Variants in MIER2 observed in about 807,000 individuals in gnomAD.
MIER2 encodes the protein mesoderm induction early response protein 2.
MIER2 carries 30 observed loss-of-function variants against 67.6 expected under a neutral mutation model. The observed-to-expected ratio is 0.44, with a 90% CI of 0.33 to 0.60. MIER2 has a LOEUF of 0.60. Ranked by LOEUF, MIER2 falls within the 20% of genes least tolerant of loss-of-function variation. The probability of loss-of-function intolerance (pLI) is 0.02; values close to 1 mark genes in which losing one functional copy is unlikely to be tolerated. For missense variants in MIER2, 702 were observed against 745.1 expected (o/e 0.94, Z 0.67); for synonymous variants, 372 against 312.6 (o/e 1.19, Z -2.00).
chr19:335,300 G>T (rs889425229), intron 2 of MIER2, among the ~76,000 whole-genome samples: 1 of 152,246 alleles, frequency 6.6e-6, no homozygotes, highest in African/African-American at 2.4e-5. Context: ...AGCCTGTAGG[G>T]CTGGGCACAC....
intron 1 of MIER2, among the ~76,000 whole-genome samples, chr19:336,784 A>G (rs1410126224): frequency 2.0e-5 from 3 of 151,680 alleles, no homozygotes; most frequent in South Asian, 2.1e-4. Flanking sequence ...GTCAATTACA[A>G]TTTTTTTTTA....
chr19:334,899 G>A (rs931535467), intron 2 of MIER2, among the ~76,000 whole-genome samples: 7 of 152,178 alleles, frequency 4.6e-5, no homozygotes, highest in Non-Finnish European at 7.4e-5. Flanking sequence ...CAGTCGAGGT[G>A]GGTTCACACC....
At chr19:328,404 T>C (rs1391498920) in intron 3 of MIER2, among the ~76,000 whole-genome samples, 2 of 148,224 alleles carry the variant, frequency 1.3e-5, no homozygotes, top group African/African-American at 5.0e-5. Context: ...TTTGGTAAAA[T>C]CCGACATCTA....
chr19:310,599 A>ATG lies in MIER2; in HGVS notation c.984+1245_984+1246insCA, dbSNP rs1568216562. On this transcript the variant is annotated intron_variant, in intron 10 of 13. Transcript: ENST00000264819. ...ACACGGCCGGGAGCTGCAGAAACACAGCCGGGAGCTATAGAAACACAGCCC... is the reference window on the plus strand; with the variant it reads ...ACACGGCCGGGAGCTGCAGAAACACATGGCCGGGAGCTATAGAAACACAGCCC... Among the ~76,000 whole-genome samples the ATG allele has an allele frequency of 8.4e-4, 46 of 54,502 alleles. 1 individual carries two copies. Among genetic ancestry groups the ATG allele is most frequent in the African/African-American group, 3.8e-3 (28 of 7,362 alleles). The allele number at this position is 54,502 out of a possible 152,430, so 35.8% of individuals were successfully genotyped here. A position where few individuals can be genotyped will look rare whatever the true frequency, so the allele number is the denominator to read the frequency against.
At chr19:336,294 C>T (rs1179274110) in intron 1 of MIER2, 121 bp from the exon 2 acceptor site, 9 of 768,888 alleles carry the variant, frequency 1.2e-5, no homozygotes, top group Middle Eastern at 3.8e-4. Flanking sequence ...AGGGAAGGGG[C>T]TTTGTCTCCG....
At chr19:317,691 C>T (rs946791237) in intron 7 of MIER2, among the ~76,000 whole-genome samples, 1 of 143,140 alleles carries the variant, frequency 7.0e-6, no homozygotes, top group African/African-American at 2.6e-5. Flanking sequence ...GATCGCATCA[C>T]TGCACTCCAG....
chr19:335,242 C>T (rs1354328868), intron 2 of MIER2, among the ~76,000 whole-genome samples: 1 of 152,240 alleles, frequency 6.6e-6, no homozygotes, highest in African/African-American at 2.4e-5. Context: ...AGGCTGGGGG[C>T]CTGAGGGCCT....
intron 7 of MIER2, among the ~76,000 whole-genome samples, chr19:322,786 G>T (rs1292854387): frequency 6.6e-6 from 1 of 152,036 alleles, no homozygotes; most frequent in Admixed American, 6.6e-5. Flanking sequence ...TGTCCATCAA[G>T]TGCCGAGTGC....
intron 1 of MIER2, chr19:344,031 C>T: frequency 1.0e-6 from 1 of 985,460 alleles, no homozygotes; most frequent in Non-Finnish European, 1.2e-6. Flanking sequence ...TGGAAAAATT[C>T]TGGATTCCAA....
At chr19:341,859 A>G (rs1429461743) in intron 1 of MIER2, among the ~76,000 whole-genome samples, 2 of 152,134 alleles carry the variant, frequency 1.3e-5, no homozygotes, top group Admixed American at 1.3e-4. Context: ...AGGCAGTAGA[A>G]GCGGCAGCCA....
intron 1 of MIER2, among the ~76,000 whole-genome samples, chr19:342,237 T>G (rs1356766114): frequency 6.6e-6 from 1 of 152,132 alleles, no homozygotes; most frequent in African/African-American, 2.4e-5. Context: ...GCGTGGTGGT[T>G]AACCTGAGAA....
Position 336,139 on chromosome 19 carries a change from A to G in MIER2, c.44T>C (p.Val15Ala), listed in dbSNP as rs757136650. The change falls in exon 2 of 14, where the codon GTC (valine) becomes GCC (alanine). Residue 15 changes from valine (V) to alanine (A), a missense_variant. Around this residue, in one of 3 missense-constraint regions of MIER2, gnomAD observed 320 missense variants for 292.6 expected, o/e 1.09. Transcript: ENST00000264819. ...GCACAGGCTGTGCTCGAGGCAGGAG[A>G]CCACGCGAGGACTCTGCCTCCCCAG... is the stretch of plus-strand genomic sequence containing the variant. ...SSLGRQSPRVVSCLEHSLCPG... is the reference protein window; with the variant it reads ...SSLGRQSPRVASCLEHSLCPG... 5 of 1,613,596 alleles carry G rather than the reference A, an allele frequency of 3.1e-6. No individual in the cohort carries two copies. Among genetic ancestry groups the G allele is most frequent in the African/African-American group, 2.7e-5 (2 of 74,918 alleles).
intron 7 of MIER2, among the ~76,000 whole-genome samples, chr19:317,605 G>A (rs555719247): frequency 3.0e-4 from 45 of 149,296 alleles, no homozygotes; most frequent in East Asian, 1.8e-3. Flanking sequence ...TGGCGGATGC[G>A]TGTAATCCCA....
rs1035894470 is a variant in MIER2, at chr19:344,251, G to A, written c.9+523C>T. 12 of 985,350 alleles carry A rather than the reference G, an allele frequency of 1.2e-5. No individual in the cohort carries two copies. In the Admixed American group the frequency reaches 6.1e-4, roughly 50 times the overall value. 61.0% of individuals were successfully genotyped at this position (985,350 alleles called of 1,614,324 possible). Reference sequence around the variant, plus strand: ...CGCGTCGGGAGTTCAAATCCCGCCCGGGGTCTGACCCAGCCCCGCCGGGGG... The same window carrying A: ...CGCGTCGGGAGTTCAAATCCCGCCCAGGGTCTGACCCAGCCCCGCCGGGGG... On this transcript the variant is annotated intron_variant, in intron 1 of 13. Coordinates refer to ENST00000264819, the MANE Select transcript of MIER2 (RefSeq NM_017550.3).
chr19:309,983 G>A (rs111798289), intron 10 of MIER2, among the ~76,000 whole-genome samples: 1 of 120,090 alleles, frequency 8.3e-6, no homozygotes, highest in East Asian at 2.2e-4. Context: ...GCTTCAGGGA[G>A]ACGAGAAGGG....
intron 1 of MIER2, among the ~76,000 whole-genome samples, chr19:341,304 T>C (rs765807634): frequency 7.2e-6 from 1 of 138,000 alleles, no homozygotes; most frequent in Non-Finnish European, 1.6e-5. Context: ...CCCGCAGGCT[T>C]GAGATCCACA....
At chr19:344,355 G>C in intron 1 of MIER2, 2 of 984,990 alleles carry the variant, frequency 2.0e-6, no homozygotes, top group Non-Finnish European at 2.4e-6. Flanking sequence ...CCCAGCACTC[G>C]GCAAAGTTGG....
chr19:306,357 G>A lies in MIER2; in HGVS notation c.*333C>T. ...TTCCCTCGCCTCTGCTGGCTGGAAG[G>A]GACTAGGTGGCCGGCTCTGCCCTGC... On this transcript the variant is annotated 3_prime_UTR_variant, in exon 14 of 14. Coordinates refer to ENST00000264819, the MANE Select transcript of MIER2 (RefSeq NM_017550.3). 1 of 459,336 alleles carries A rather than the reference G, an allele frequency of 2.2e-6. No individual in the cohort carries two copies. Among genetic ancestry groups the A allele is most frequent in the East Asian group, 3.8e-5 (1 of 26,554 alleles). The allele number at this position is 459,336 out of a possible 1,614,324, so 28.5% of individuals were successfully genotyped here.
intron 7 of MIER2, among the ~76,000 whole-genome samples, chr19:316,907 T>C (rs191714241): frequency 3.9e-3 from 578 of 149,258 alleles, no homozygotes; most frequent in Non-Finnish European, 3.4e-3. Context: ...AGGCGGAGGT[T>C]GCAATGAGCC....
Sources: allele counts gnomAD v4.1 joint callset (sites outside exome capture counted in the v4.1 genomes callset), GRCh38; gene constraint gnomAD v4.1.1; regional missense constraint gnomAD v4.1.1; transcripts MANE v1.5; gene names NCBI Gene and HGNC (gene_info 2026-07-23, HGNC 2026-07-21).